PTPRK: variants seen among roughly 807,000 people sequenced by gnomAD.
PTPRK encodes the protein protein tyrosine phosphatase receptor type K, also known as receptor-type tyrosine-protein phosphatase kappa.
Under a neutral mutation model 178.0 loss-of-function variants are expected in PTPRK, and 75 were observed. The observed-to-expected ratio is 0.42, with a 90% confidence interval of 0.35 to 0.51. The LOEUF is 0.51. Among genes scored for constraint, PTPRK ranks in the 20% least tolerant of loss-of-function variants. The pLI, the probability that PTPRK is intolerant of heterozygous loss-of-function variation, is 0.02. For missense variants in PTPRK, 1,441 were observed against 1,797.8 expected (o/e 0.80, Z 3.59); for synonymous variants, 637 against 620.6 (o/e 1.03, Z -0.39).
At chr6:128,230,447 T>C (rs1031938700) in intron 5 of PTPRK, among the ~76,000 whole-genome samples, 1 of 152,156 alleles carries the variant, frequency 6.6e-6, no homozygotes, top group Non-Finnish European at 1.5e-5. Flanking sequence ...GAGACAGCTC[T>C]GTTATGCCTG....
At chr6:128,080,905 C>A (rs540331360) in intron 10 of PTPRK, among the ~76,000 whole-genome samples, 1 of 151,808 alleles carries the variant, frequency 6.6e-6, no homozygotes, top group Non-Finnish European at 1.5e-5. Context: ...TAGGTTAATA[C>A]AAGTAAAAGT....
chr6:128,242,652 T>C, intron 3 of PTPRK, 50 bp from the exon 4 acceptor site: 1 of 1,598,122 alleles, frequency 6.3e-7, no homozygotes, highest in Non-Finnish European at 8.5e-7. Context: ...TCAAGGAATT[T>C]CTACAGTGGA....
chr6:128,099,264 C>A lies in PTPRK; in HGVS notation c.1163-9272G>T, dbSNP rs184308057. 9.3e-4 allele frequency among the ~76,000 whole-genome samples: 141 copies of A among 151,472 alleles called. 2 individuals carry two copies. Among genetic ancestry groups the A allele is most frequent in the Admixed American group, 9.1e-3 (138 of 15,188 alleles). On this transcript the variant is annotated intron_variant, in intron 7 of 29. Transcript: ENST00000368226. The stretch of plus-strand genomic sequence containing the variant: ...CATAAATAGTACATGTTTTTCTCAA[C>A]TACATAACTCCCTTGTAAATATTTT...
At chr6:128,510,894 T>C (rs1352559539) in intron 1 of PTPRK, among the ~76,000 whole-genome samples, 3 of 151,942 alleles carry the variant, frequency 2.0e-5, no homozygotes, top group African/African-American at 7.2e-5. Flanking sequence ...ATATGATACA[T>C]ATATAGTAAG....
intron 18 of PTPRK, among the ~76,000 whole-genome samples, chr6:127,994,975 A>C (rs1340744266): frequency 6.6e-6 from 1 of 152,004 alleles, no homozygotes; most frequent in Non-Finnish European, 1.5e-5. Flanking sequence ...TAAAAGCCAG[A>C]AACAGAAATC....
chr6:128,418,810 T>A (rs1843122732), intron 1 of PTPRK, among the ~76,000 whole-genome samples: 1 of 151,982 alleles, frequency 6.6e-6, no homozygotes, highest in Admixed American at 6.6e-5. Flanking sequence ...GCTTAGGGTG[T>A]CTCTGACATT....
In PTPRK at chr6:128,464,638, CATATATATATATATATATATAT is replaced by C. The variant is rs10665667; in HGVS notation, c.100+55599_100+55620del. On this transcript the variant is annotated intron_variant, in intron 1 of 29. Transcript: ENST00000368226. ...ACATATACATATATATATATATACACATATATATATATATATATATATATATATATATATATACAACAGATGG... is the reference window on the plus strand; with the variant it reads ...ACATATACATATATATATATATACACATATATATATATATACAACAGATGG... Among the ~76,000 whole-genome samples, 65 of 48,608 alleles carry C rather than the reference CATATATATATATATATATATAT, an allele frequency of 1.3e-3. 1 individual carries two copies. The highest frequency in any genetic ancestry group is 5.0e-3 in the Admixed American group (17 of 3,372). 31.9% of individuals were successfully genotyped at this position (48,608 alleles called of 152,430 possible). A position where few individuals can be genotyped will look rare whatever the true frequency, so the allele number is the denominator to read the frequency against.
At chr6:128,076,193 A>G (rs1783776576) in intron 11 of PTPRK, among the ~76,000 whole-genome samples, 1 of 152,032 alleles carries the variant, frequency 6.6e-6, no homozygotes, top group African/African-American at 2.4e-5. Context: ...CAGACCATAA[A>G]TTCAATGGTA....
At chr6:128,017,438 T>C (rs951602305) in intron 13 of PTPRK, among the ~76,000 whole-genome samples, 1 of 151,806 alleles carries the variant, frequency 6.6e-6, no homozygotes, top group Non-Finnish European at 1.5e-5. Flanking sequence ...TTGCTTTATG[T>C]TAGCCTGTGG....
At chr6:128,365,668 T>A (rs927844410) in intron 2 of PTPRK, among the ~76,000 whole-genome samples, 11 of 152,126 alleles carry the variant, frequency 7.2e-5, no homozygotes, top group Non-Finnish European at 1.2e-4. Context: ...GTTTGTTACG[T>A]AATTTGTTAT....
intron 6 of PTPRK, among the ~76,000 whole-genome samples, chr6:128,207,527 C>T (rs1280608669): frequency 6.6e-6 from 1 of 152,022 alleles, no homozygotes; most frequent in Non-Finnish European, 1.5e-5. Flanking sequence ...ATCTATAAAC[C>T]TCAGCAACAC....
At chr6:128,364,872 T>G (rs1249969341) in intron 2 of PTPRK, among the ~76,000 whole-genome samples, 3 of 152,000 alleles carry the variant, frequency 2.0e-5, no homozygotes, top group African/African-American at 7.2e-5. Flanking sequence ...TTTTAAAACT[T>G]TCCTTTTCCT....
At chr6:128,080,040 T>C (rs1784537499) in intron 10 of PTPRK, among the ~76,000 whole-genome samples, 1 of 144,942 alleles carries the variant, frequency 6.9e-6, no homozygotes, top group Non-Finnish European at 1.5e-5. Context: ...CACACTTTTT[T>C]CATTAGTATT....
intron 1 of PTPRK, among the ~76,000 whole-genome samples, chr6:128,483,626 G>A (rs551380748): frequency 2.0e-5 from 3 of 152,102 alleles, no homozygotes; most frequent in South Asian, 2.1e-4. Context: ...GAACTGACAC[G>A]TTCCCCTAAT....
intron 2 of PTPRK, among the ~76,000 whole-genome samples, chr6:128,329,775 A>G (rs1430456129): frequency 6.6e-6 from 1 of 152,066 alleles, no homozygotes; most frequent in Non-Finnish European, 1.5e-5. Context: ...TCACATCCAG[A>G]AACATACACA....
intron 19 of PTPRK, among the ~76,000 whole-genome samples, 190 bp from the exon 20 acceptor site, chr6:127,991,581 GTTT>G (rs55842054): frequency 0.24 from 32,221 of 135,406 alleles, 3,804 homozygotes; most frequent in Admixed American, 0.31. Context: ...GCATATACAA[GTTT>G]TTTTTTTTTT....
intron 1 of PTPRK, among the ~76,000 whole-genome samples, chr6:128,436,475 C>T (rs896177993): frequency 2.6e-5 from 4 of 152,126 alleles, no homozygotes; most frequent in Non-Finnish European, 5.9e-5. Context: ...TCTAAAACGA[C>T]TTTTCTTTTC....
At chr6:128,118,251 A>C (rs1791882456) in intron 7 of PTPRK, among the ~76,000 whole-genome samples, 2 of 152,226 alleles carry the variant, frequency 1.3e-5, no homozygotes, top group African/African-American at 4.8e-5. Context: ...GAACAAAGCT[A>C]GGTCACCGTG....
At chr6:128,444,993 T>C (rs1243508672) in intron 1 of PTPRK, among the ~76,000 whole-genome samples, 1 of 151,776 alleles carries the variant, frequency 6.6e-6, no homozygotes, top group African/African-American at 2.4e-5. Context: ...TATACTTACA[T>C]ATAAAGTATG....
Sources: allele counts gnomAD v4.1 joint callset (sites outside exome capture counted in the v4.1 genomes callset), GRCh38; gene constraint gnomAD v4.1.1; transcripts MANE v1.5; gene names NCBI Gene and HGNC (gene_info 2026-07-23, HGNC 2026-07-21).